CLTCL1: variants seen among roughly 807,000 people sequenced by gnomAD.
The protein encoded by CLTCL1 is clathrin heavy chain like 1.
CLTCL1 carries 159 observed loss-of-function variants against 190.0 expected under a neutral mutation model. That is an observed-to-expected ratio of 0.84 (90% CI 0.74 to 0.95). The LOEUF is 0.95. CLTCL1 is among the 40% of genes least tolerant of loss of function. CLTCL1 has a pLI of 0.00. For missense variants in CLTCL1, 1,878 were observed against 2,033.4 expected (o/e 0.92, Z 1.47); for synonymous variants, 752 against 769.6 (o/e 0.98, Z 0.38).
chr22:19,267,861 C>T (rs1857009965), intron 2 of CLTCL1, among the ~76,000 whole-genome samples: 1 of 151,220 alleles, frequency 6.6e-6, no homozygotes. Flanking sequence ...CGCCCCTGCA[C>T]TCCAGGCTGG....
chr22:19,187,842 C>T (rs2084364016), intron 28 of CLTCL1, 114 bp from the exon 29 acceptor site: 7 of 1,356,072 alleles, frequency 5.2e-6, no homozygotes, highest in Non-Finnish European at 6.2e-6. Context: ...CTTAGAAAGG[C>T]CCCTGCCCAT....
At position 19,200,797 on chromosome 22, in the gene CLTCL1, G is replaced by A. The variant is rs57240140; in HGVS notation, c.3765+532C>T. Among the ~76,000 whole-genome samples the A allele has an allele frequency of 8.8e-3, 1,336 of 152,296 alleles. 25 individuals are homozygous for A. Among genetic ancestry groups the A allele is most frequent in the African/African-American group, 0.031 (1,274 of 41,552 alleles). On this transcript the variant is annotated intron_variant, in intron 23 of 32. Transcript: ENST00000427926. ...GCAGAGCTTGCAGTGAGCCGAGATC[G>A]TGTCACTGTACTCCAGCCTGGGCGA...
chr22:19,191,424 G>A lies in CLTCL1; in HGVS notation c.4203C>T (p.Val1401=), dbSNP rs369046147. The change falls in exon 27 of 33, where the codon GTC becomes GTT. Residue 1401 remains valine, a synonymous_variant. Transcript: ENST00000427926. The part of the protein sequence containing the change: ...FKDIITKVAN[V]ELCYRALQFY... ...ACTGCAGGGCTCTGTAACAGAGCTC[G>A]ACGTTGGCAACCTGTGGTGAGCAAA... The A allele has an allele frequency of 1.0e-3, 1,680 of 1,613,554 alleles. 33 individuals are homozygous for A. The South Asian group carries it at 0.017, about 16-fold the overall frequency.
chr22:19,234,415 C>A (rs2086012935), intron 7 of CLTCL1, 94 bp downstream of exon 7: 2 of 1,107,496 alleles, frequency 1.8e-6, no homozygotes, highest in South Asian at 1.7e-5. Context: ...TAATAGACTG[C>A]AATATCACTA....
Position 19,226,387 on chromosome 22 carries a change from T to A in CLTCL1, c.1783-4A>T. 6.2e-7 allele frequency: 1 copy of A among 1,613,954 alleles called. No individual in the cohort carries two copies. The highest frequency in any genetic ancestry group is 8.5e-7 in the Non-Finnish European group (1 of 1,179,826). The stretch of plus-strand genomic sequence containing the variant: ...TTCCAAGGATGGCATCTGCAACCTA[T>A]GAAACAGGGAGTTCGGTGAGAAGCC... On this transcript the variant is annotated splice_region_variant and splice_polypyrimidine_tract_variant and intron_variant, in intron 11 of 32. Coordinates refer to ENST00000427926, the MANE Select transcript of CLTCL1 (RefSeq NM_007098.4).
chr22:19,208,885 T>G, intron 21 of CLTCL1, 37 bp downstream of exon 21: 533 of 1,483,654 alleles, frequency 3.6e-4, no homozygotes, highest in Non-Finnish European at 4.3e-4. Flanking sequence ...TTTGCATCAG[T>G]GAGATGCAGA....
intron 1 of CLTCL1, among the ~76,000 whole-genome samples, chr22:19,280,109 A>T (rs2087653201): frequency 1.3e-5 from 2 of 152,248 alleles, no homozygotes; most frequent in South Asian, 4.1e-4. Flanking sequence ...GAATCTTAAC[A>T]GATTTGAAAG....
chr22:19,180,815 A>T lies in CLTCL1; in HGVS notation c.4828-9T>A, dbSNP rs2084110329. 1.9e-6 allele frequency: 3 copies of T among 1,613,518 alleles called. No homozygotes were observed. On this transcript the variant is annotated splice_polypyrimidine_tract_variant and intron_variant, in intron 30 of 32. Coordinates refer to ENST00000427926, the MANE Select transcript of CLTCL1 (RefSeq NM_007098.4). ...GCATCCAGTTTGTCCACCTGCAAGG[A>T]GGCAAAAGCACGTGAGCACCCGCTT...
At chr22:19,216,848 G>A (rs576336236) in intron 18 of CLTCL1, among the ~76,000 whole-genome samples, 2 of 152,350 alleles carry the variant, frequency 1.3e-5, no homozygotes, top group South Asian at 4.1e-4. Context: ...TGCAACAGCA[G>A]TTTGGAACGC....
At chr22:19,271,198 T>C (rs2087305421) in intron 2 of CLTCL1, among the ~76,000 whole-genome samples, 1 of 152,142 alleles carries the variant, frequency 6.6e-6, no homozygotes, top group South Asian at 2.1e-4. Context: ...TAAAAAGAGA[T>C]ACATATAAAT....
At chr22:19,247,250 CTA>C (rs1226593755) in intron 3 of CLTCL1, among the ~76,000 whole-genome samples, 2 of 152,174 alleles carry the variant, frequency 1.3e-5, no homozygotes, top group Non-Finnish European at 2.9e-5. Flanking sequence ...CCTGAAGAGA[CTA>C]TTGTTTCACC....
intron 2 of CLTCL1, among the ~76,000 whole-genome samples, chr22:19,264,949 C>T (rs139021475): frequency 1.3e-3 from 194 of 152,216 alleles, no homozygotes; most frequent in African/African-American, 4.1e-3. Flanking sequence ...CCAACATGCC[C>T]AGCAAATTTT....
Position 19,191,420 on chromosome 22 carries a change from G to T in CLTCL1, c.4207C>A (p.Leu1403Ile), listed in dbSNP as rs2094245105. The T allele has an allele frequency of 6.2e-7, 1 of 1,613,710 alleles. No individual in the cohort carries two copies. Among genetic ancestry groups the T allele is most frequent in the East Asian group, 2.2e-5 (1 of 44,886 alleles). Reference protein sequence around the residue: ...DIITKVANVELCYRALQFYLD... With the variant: ...DIITKVANVEICYRALQFYLD... ...TAGAACTGCAGGGCTCTGTAACAGA[G>T]CTCGACGTTGGCAACCTGTGGTGAG... is the stretch of plus-strand genomic sequence containing the variant. Residue 1403 changes from leucine (L) to isoleucine (I), a missense_variant, in exon 27 of 33, where the codon CTC (leucine) becomes ATC (isoleucine). Coordinates refer to ENST00000427926, the MANE Select transcript of CLTCL1 (RefSeq NM_007098.4).
At position 19,222,113 on chromosome 22, in the gene CLTCL1, G is replaced by C; in HGVS notation, c.2419-20C>G. The C allele has an allele frequency of 6.2e-7, 1 of 1,612,214 alleles. No individual in the cohort carries two copies. Among genetic ancestry groups the C allele is most frequent in the East Asian group, 2.2e-5 (1 of 44,866 alleles). The stretch of plus-strand genomic sequence containing the variant: ...GTTGACCTAGGGTAGTCAAGGTCAA[G>C]TAACTTCAGTGTTGCAAACACAAGT... On this transcript the variant is annotated intron_variant, in intron 15 of 32. Coordinates refer to ENST00000427926, the MANE Select transcript of CLTCL1 (RefSeq NM_007098.4).
chr22:19,291,713 CG>C lies in CLTCL1; in HGVS notation c.-73del. Reference sequence around the variant, plus strand: ...ACGCCGACCCCTCGCGCGGGCTGACCGGTGGCGACGGCGCAGGCGCAGTGCC... The same window carrying C: ...ACGCCGACCCCTCGCGCGGGCTGACCGTGGCGACGGCGCAGGCGCAGTGCC... On this transcript the variant is annotated 5_prime_UTR_variant, in exon 1 of 33. Transcript: ENST00000427926. 7.8e-7 allele frequency: 1 copy of C among 1,286,422 alleles called. No homozygotes were observed. The highest frequency in any genetic ancestry group is 2.3e-5 in the South Asian group (1 of 43,156). The allele number at this position is 1,286,422 out of a possible 1,614,324, so 79.7% of individuals were successfully genotyped here. A position where few individuals can be genotyped will look rare whatever the true frequency, so the allele number is the denominator to read the frequency against.
intron 3 of CLTCL1, among the ~76,000 whole-genome samples, chr22:19,250,989 C>A (rs560021078): frequency 1.3e-5 from 2 of 152,234 alleles, no homozygotes; most frequent in East Asian, 3.9e-4. Flanking sequence ...ATTTTAGGAT[C>A]ATCTTGCCAA....
chr22:19,189,392 G>A (rs1235383827), intron 27 of CLTCL1, among the ~76,000 whole-genome samples: 1 of 152,192 alleles, frequency 6.6e-6, no homozygotes, highest in African/African-American at 2.4e-5. Flanking sequence ...ATTGGTCTCA[G>A]TCCTCTCCAA....
intron 31 of CLTCL1, 123 bp from the exon 32 acceptor site, chr22:19,180,361 C>T: frequency 9.5e-7 from 1 of 1,054,082 alleles, no homozygotes; most frequent in Non-Finnish European, 1.4e-6. Context: ...AGTGTCCAAG[C>T]ACCCCACAGC....
chr22:19,190,828 A>AC (rs1555931467), intron 27 of CLTCL1, among the ~76,000 whole-genome samples: 1 of 149,946 alleles, frequency 6.7e-6, no homozygotes, highest in African/African-American at 2.5e-5. Context: ...CCCAGGCTGG[A>AC]GTGCAGTGGC....
Sources: gnomAD v4.1 joint callset for allele counts (sites outside exome capture counted in the v4.1 genomes callset) on GRCh38, gnomAD v4.1.1 for gene constraint, MANE v1.5 for transcripts, NCBI Gene and HGNC (gene_info 2026-07-23, HGNC 2026-07-21) for gene names.